Variants in AIDA observed in about 807,000 individuals in gnomAD.
AIDA encodes axin interactor, dorsalization associated.
In AIDA, 18 loss-of-function variants were observed where a neutral mutation model predicts 42.7. That is an observed-to-expected ratio of 0.42 (90% CI 0.29 to 0.63). The LOEUF (loss-of-function observed/expected upper bound fraction) is 0.63, where lower values mean the gene tolerates loss of function less well. Among genes scored for constraint, AIDA ranks in the 20% least tolerant of loss-of-function variants. The pLI is 0.19. For synonymous variants in AIDA, 104 were observed against 122.9 expected (o/e 0.85, Z 1.02); for missense variants, 250 against 354.1 (o/e 0.71, Z 2.36).
chr1:222,676,070 A>C, intron 7 of AIDA, 26 bp downstream of exon 7: 1 of 1,528,876 alleles, frequency 6.5e-7, no homozygotes, highest in South Asian at 1.3e-5. Context: ...TCACCTGAGA[A>C]AAAAAAAGTA....
rs1232832663 is a variant in AIDA, at chr1:222,668,696, T to G, written c.*1197A>C. The G allele has an allele frequency of 1.7e-5, 2 of 118,498 alleles. No homozygotes were observed. Among genetic ancestry groups the G allele is most frequent in the African/African-American group, 3.3e-5 (1 of 30,246 alleles). The allele number at this position is 118,498 out of a possible 1,614,324, so 7.3% of individuals were successfully genotyped here. ...AGGTACTGACACTGCATTCCCCTCA[T>G]GCATTGCTCATTTAAAATAGTGAAT... On this transcript the variant is annotated 3_prime_UTR_variant, in exon 10 of 10. Transcript: ENST00000340020.
intron 1 of AIDA, among the ~76,000 whole-genome samples, chr1:222,710,450 G>A (rs1655965808): frequency 6.6e-6 from 1 of 152,194 alleles, no homozygotes; most frequent in Non-Finnish European, 1.5e-5. Context: ...ATTGGACATG[G>A]TATTCTTCAC....
intron 1 of AIDA, among the ~76,000 whole-genome samples, chr1:222,706,512 C>G (rs2124970403): frequency 6.6e-6 from 1 of 151,636 alleles, no homozygotes; most frequent in South Asian, 2.1e-4. Context: ...AAAGCAATGA[C>G]ACATGCTACA....
chr1:222,700,660 CAGG>C (rs1655666142), intron 2 of AIDA, among the ~76,000 whole-genome samples: 1 of 151,252 alleles, frequency 6.6e-6, no homozygotes, highest in Non-Finnish European at 1.5e-5. Context: ...GAGGCTGAGG[CAGG>C]AGAATGGCGT....
At chr1:222,688,037 G>A (rs1156261049) in intron 4 of AIDA, among the ~76,000 whole-genome samples, 3 of 151,928 alleles carry the variant, frequency 2.0e-5, no homozygotes, top group African/African-American at 7.3e-5. Flanking sequence ...GGCAACACAG[G>A]GAGACTCCTA....
At chr1:222,673,476 TAC>T (rs1351348747) in intron 7 of AIDA, 41 bp from the exon 8 acceptor site, 2 of 1,505,154 alleles carry the variant, frequency 1.3e-6, no homozygotes, top group Admixed American at 2.1e-5. Context: ...CATTCAAATA[TAC>T]AGACTTAAAA....
intron 1 of AIDA, 154 bp downstream of exon 1, chr1:222,712,054 G>A: frequency 1.7e-6 from 2 of 1,182,056 alleles, no homozygotes; most frequent in Non-Finnish European, 2.4e-6. Flanking sequence ...CAGCCTCGCT[G>A]GGGCTGGTGG....
intron 1 of AIDA, among the ~76,000 whole-genome samples, chr1:222,706,666 C>T (rs1325830449): frequency 2.6e-5 from 4 of 151,852 alleles, no homozygotes; most frequent in Non-Finnish European, 5.9e-5. Context: ...GTGAGGAGTT[C>T]GAGACCAGCC....
At chr1:222,709,469 T>G (rs1409402753) in intron 1 of AIDA, among the ~76,000 whole-genome samples, 1 of 152,034 alleles carries the variant, frequency 6.6e-6, no homozygotes, top group African/African-American at 2.4e-5. Flanking sequence ...AATATATTTT[T>G]GATTGTGGTA....
chr1:222,687,691 T>C, intron 4 of AIDA, 33 bp from the exon 5 acceptor site: 1 of 1,401,542 alleles, frequency 7.1e-7, no homozygotes, highest in South Asian at 1.3e-5. Context: ...CATGAATTCT[T>C]CCATGAAGCA....
chr1:222,711,345 T>C (rs970086929), intron 1 of AIDA: 1 of 152,096 alleles, frequency 6.6e-6, no homozygotes, highest in Non-Finnish European at 1.5e-5. Context: ...GGCAAGAAAT[T>C]GGTCTTAGGT....
chr1:222,702,959 T>C (rs1268590507), intron 2 of AIDA, among the ~76,000 whole-genome samples, 189 bp downstream of exon 2: 1 of 152,262 alleles, frequency 6.6e-6, no homozygotes, highest in Non-Finnish European at 1.5e-5. Context: ...TTGCTTTAAA[T>C]TGATAAGTCA....
chr1:222,686,988 A>G lies in AIDA; in HGVS notation c.402T>C (p.Asp134=). Residue 134 remains aspartate (D), a synonymous_variant, in exon 6 of 10, where the codon GAT becomes GAC. Coordinates refer to ENST00000340020, the MANE Select transcript of AIDA (RefSeq NM_022831.4). ...CTGCTCCAGCACCACCCTCTTCTTC[A>G]TCTTCTTCAAATTCCAAATTCTCTT... ...GEEENLEFEE[D]EEEGGAGAGS... is the part of the protein sequence containing the mutation. The G allele has an allele frequency of 6.2e-7, 1 of 1,613,842 alleles. No homozygotes were observed. The highest frequency in any genetic ancestry group is 8.5e-7 in the Non-Finnish European group (1 of 1,179,954).
chr1:222,694,351 C>A, intron 2 of AIDA, 88 bp from the exon 3 acceptor site: 1 of 1,103,874 alleles, frequency 9.1e-7, no homozygotes, highest in Non-Finnish European at 1.3e-6. Context: ...AATAAAAGAT[C>A]CATAATTCTC....
At chr1:222,684,664 G>A (rs544528794) in intron 6 of AIDA, among the ~76,000 whole-genome samples, 2 of 152,222 alleles carry the variant, frequency 1.3e-5, no homozygotes, top group Non-Finnish European at 2.9e-5. Context: ...AAAAAATTCA[G>A]GGACTAGAAA....
In AIDA at chr1:222,676,111, T is replaced by C; in HGVS notation, c.568A>G (p.Thr190Ala). 1 of 1,609,008 alleles carries C rather than the reference T, an allele frequency of 6.2e-7. No homozygotes were observed. The highest frequency in any genetic ancestry group is 8.5e-7 in the Non-Finnish European group (1 of 1,178,218). ...DAGQCIDPYI[T>A]VSVKDLNGID... ...AGTCACTTACCCTTTACACTAACTGTAATATAGGGATCGATGCACTGCCCA... is the reference window on the plus strand; with the variant it reads ...AGTCACTTACCCTTTACACTAACTGCAATATAGGGATCGATGCACTGCCCA... Residue 190 changes from threonine (T) to alanine (A), a missense_variant, in exon 7 of 10, where the codon ACA (threonine) becomes GCA (alanine). By Grantham distance (58) the Thr-to-Ala change is moderately conservative. Coordinates refer to ENST00000340020, the MANE Select transcript of AIDA (RefSeq NM_022831.4).
chr1:222,679,509 T>C (rs1664615431), intron 6 of AIDA, among the ~76,000 whole-genome samples: 1 of 152,186 alleles, frequency 6.6e-6, no homozygotes, highest in South Asian at 2.1e-4. Flanking sequence ...TTACAGAACA[T>C]GTCAGGGTGT....
At chr1:222,692,091 A>G (rs570998093) in intron 4 of AIDA, among the ~76,000 whole-genome samples, 4 of 152,208 alleles carry the variant, frequency 2.6e-5, no homozygotes, top group Non-Finnish European at 5.9e-5. Flanking sequence ...CAATTATAGA[A>G]TAACAGGGAT....
chr1:222,707,219 A>T (rs1243092215), intron 1 of AIDA, among the ~76,000 whole-genome samples: 1 of 151,984 alleles, frequency 6.6e-6, no homozygotes, highest in Non-Finnish European at 1.5e-5. Context: ...GTGCAGTGGC[A>T]TGATCTTGGC....
Sources: gnomAD v4.1 joint callset for allele counts (sites outside exome capture counted in the v4.1 genomes callset) on GRCh38, gnomAD v4.1.1 for gene constraint, MANE v1.5 for transcripts, NCBI Gene and HGNC (gene_info 2026-07-23, HGNC 2026-07-21) for gene names.